CCDC15: variants seen among roughly 807,000 people sequenced by gnomAD.
The protein encoded by CCDC15 is coiled-coil domain containing 15.
CCDC15 carries 105 observed loss-of-function variants against 114.5 expected under a neutral mutation model. The ratio of observed to expected loss-of-function variants is 0.92; its 90% CI spans 0.78 to 1.08. The LOEUF is 1.08. Ranked by LOEUF, CCDC15 falls within the 50% of genes least tolerant of loss-of-function variation. The pLI, the probability that CCDC15 is intolerant of heterozygous loss-of-function variation, is 0.00. For synonymous variants in CCDC15, 334 were observed against 377.8 expected (o/e 0.88, Z 1.34); for missense variants, 1,105 against 1,093.6 (o/e 1.01, Z -0.15).
At position 124,993,175 on chromosome 11, in the gene CCDC15, C is replaced by T; in HGVS notation, c.2146C>T (p.His716Tyr). 6.3e-7 allele frequency: 1 copy of T among 1,597,668 alleles called. No individual in the cohort carries two copies. Among genetic ancestry groups the T allele is most frequent in the Non-Finnish European group, 8.6e-7 (1 of 1,167,680 alleles). ...DQDSPREQNKHIKLPSSFEKW... is the reference protein window; with the variant it reads ...DQDSPREQNKYIKLPSSFEKW... Reference sequence around the variant, plus strand: ...TATTTTGTTGTTCCTTTAGAACAAGCATATCAAACTACCCTCATCTTTTGA... The same window carrying T: ...TATTTTGTTGTTCCTTTAGAACAAGTATATCAAACTACCCTCATCTTTTGA... The change falls in exon 11 of 16, where the codon CAT becomes TAT. Residue 716 changes from histidine to tyrosine, a missense_variant. Coordinates refer to ENST00000344762, the MANE Select transcript of CCDC15 (RefSeq NM_025004.3).
Position 125,040,677 on chromosome 11 carries a change from C to T in CCDC15, c.2822C>T (p.Ala941Val). The T allele has an allele frequency of 6.2e-7, 1 of 1,612,236 alleles. No homozygotes were observed. Among genetic ancestry groups the T allele is most frequent in the Non-Finnish European group, 8.5e-7 (1 of 1,178,998 alleles). ...STLRVAIHNF[A>V]SAHRRTLKNL is the part of the protein sequence containing the mutation. ...CTTCGAGTCGCAATTCATAATTTTGCTTCTGCACACAGGCGGACTTTGAAA... is the reference window on the plus strand; with the variant it reads ...CTTCGAGTCGCAATTCATAATTTTGTTTCTGCACACAGGCGGACTTTGAAA... The change falls in exon 16 of 16, where the codon GCT becomes GTT. Residue 941 changes from alanine to valine, a missense_variant. By Grantham distance (64) the Ala-to-Val change is moderately conservative. Transcript: ENST00000344762.
At chr11:124,991,980 G>A (rs1209257392) in intron 9 of CCDC15, among the ~76,000 whole-genome samples, 3 of 152,282 alleles carry the variant, frequency 2.0e-5, no homozygotes, top group South Asian at 2.1e-4. Context: ...CACTGTCCCC[G>A]GCCAGAATAC....
chr11:124,981,324 C>CT (rs1413811288), intron 6 of CCDC15, among the ~76,000 whole-genome samples: 1 of 152,068 alleles, frequency 6.6e-6, no homozygotes, highest in Admixed American at 6.6e-5. Context: ...TCCTGAATAT[C>CT]TTTGTCAGTT....
chr11:125,006,314 T>C (rs1948551642), intron 13 of CCDC15, among the ~76,000 whole-genome samples: 1 of 152,210 alleles, frequency 6.6e-6, no homozygotes, highest in Non-Finnish European at 1.5e-5. Context: ...TAATGACATA[T>C]AATATGGAGC....
intron 13 of CCDC15, among the ~76,000 whole-genome samples, chr11:125,020,909 C>A (rs1256399886): frequency 6.6e-6 from 1 of 151,566 alleles, no homozygotes; most frequent in Non-Finnish European, 1.5e-5. Flanking sequence ...TGAATCTGAC[C>A]AAAGCTGTGG....
At position 124,987,647 on chromosome 11, in the gene CCDC15, C is replaced by T. The variant is rs747003339; in HGVS notation, c.1421C>T (p.Pro474Leu). 1 of 1,613,696 alleles carries T rather than the reference C, an allele frequency of 6.2e-7. No homozygotes were observed. The highest frequency in any genetic ancestry group is 1.7e-5 in the Admixed American group (1 of 59,996). The change falls in exon 8 of 16, where the codon CCT becomes CTT. Residue 474 changes from proline to leucine, a missense_variant. Pro to Leu is a moderately conservative substitution (Grantham distance 98). Coordinates refer to ENST00000344762, the MANE Select transcript of CCDC15 (RefSeq NM_025004.3). ...AAATATCAGGACCAGAATTTTCTAC[C>T]TAAGGACCAGAATTTTTTATCTAGA... ...LPKYQDQNFL[P>L]KDQNFLSRDQ... is the part of the protein sequence containing the mutation.
intron 13 of CCDC15, among the ~76,000 whole-genome samples, chr11:125,023,728 C>T (rs759799967): frequency 6.6e-6 from 1 of 151,928 alleles, no homozygotes; most frequent in South Asian, 2.1e-4. Context: ...TTTGGAAACT[C>T]GCACCCCAAA....
chr11:124,991,409 T>G, intron 8 of CCDC15, 52 bp from the exon 9 acceptor site: 1 of 1,261,476 alleles, frequency 7.9e-7, no homozygotes, highest in Non-Finnish European at 1.1e-6. Context: ...ATTATTGCCA[T>G]CATATTAGTC....
Position 124,996,686 on chromosome 11 carries a change from C to T in CCDC15, c.2214+3443C>T, listed in dbSNP as rs74496966. Among the ~76,000 whole-genome samples, 921 of 152,212 alleles carry T rather than the reference C, an allele frequency of 6.1e-3. 6 individuals carry two copies. The highest frequency in any genetic ancestry group is 0.019 in the African/African-American group (785 of 41,542). ...TCTTGTAAAACTGAGACCATATACC[C>T]GTTAAACAGTAATTTCTCAGTCTCT... On this transcript the variant is annotated intron_variant, in intron 11 of 15. Transcript: ENST00000344762.
intron 13 of CCDC15, among the ~76,000 whole-genome samples, chr11:125,010,380 G>GT (rs545300682): frequency 0.024 from 3,248 of 134,592 alleles, 102 homozygotes; most frequent in African/African-American, 0.072. Flanking sequence ...TTTGCCTGGT[G>GT]TTTTTTTTTT....
chr11:124,959,153 G>T lies in CCDC15; in HGVS notation c.216G>T (p.Gln72His). Reference protein sequence around the residue: ...AYLIEEELKEQLRKKQEALKH... With the variant: ...AYLIEEELKEHLRKKQEALKH... The stretch of plus-strand genomic sequence containing the variant: ...TAATTGAAGAAGAACTAAAGGAACA[G>T]CTAAGAAAAAAACAAGAAGCTTTGA... The change falls in exon 3 of 16, where the codon CAG becomes CAT. Residue 72 changes from glutamine (Q) to histidine (H), a missense_variant. By Grantham distance (24) the Gln-to-His change is conservative. Transcript: ENST00000344762. 1.3e-6 allele frequency: 2 copies of T among 1,586,432 alleles called. No homozygotes were observed. The highest frequency in any genetic ancestry group is 1.7e-6 in the Non-Finnish European group (2 of 1,167,574).
intron 6 of CCDC15, 51 bp from the exon 7 acceptor site, chr11:124,986,691 T>TGTGTGTGGG: frequency 8.2e-7 from 1 of 1,221,882 alleles, no homozygotes. Flanking sequence ...GTGTGTGTGT[T>TGTGTGTGGG]TGTGTGTGTG....
chr11:124,998,744 T>C (rs1591600484), intron 11 of CCDC15, among the ~76,000 whole-genome samples: 1 of 151,178 alleles, frequency 6.6e-6, no homozygotes, highest in Non-Finnish European at 1.5e-5. Context: ...CTACTTTTTT[T>C]TTTTTTTTTT....
chr11:125,039,068 A>T lies in CCDC15; in HGVS notation c.2733A>T (p.Arg911Ser). 6.3e-7 allele frequency: 1 copy of T among 1,586,198 alleles called. No homozygotes were observed. Among genetic ancestry groups the T allele is most frequent in the South Asian group, 1.1e-5 (1 of 87,306 alleles). ...ACTGTATTTTCTATAAAAACCACAG[A>T]GGTAAGTTTCTTGAAGGAATAGTCA... ...ANNCIFYKNH[R>S]AYTRALHSFI... The change falls in exon 15 of 16, where the codon AGA becomes AGT. Residue 911 changes from arginine to serine, a missense_variant and splice_region_variant. Coordinates refer to ENST00000344762, the MANE Select transcript of CCDC15 (RefSeq NM_025004.3).
chr11:125,039,126 G>T (rs1174032008), intron 15 of CCDC15, 57 bp downstream of exon 15: 3 of 1,463,230 alleles, frequency 2.1e-6, no homozygotes, highest in Non-Finnish European at 2.8e-6. Context: ...ATAAATAAGA[G>T]TAGTGGTAAT....
chr11:124,989,402 T>A (rs942280835), intron 8 of CCDC15, among the ~76,000 whole-genome samples: 1 of 152,202 alleles, frequency 6.6e-6, no homozygotes. Context: ...GAAAAGTAGA[T>A]TTAGTGCCAT....
chr11:124,986,606 G>T, intron 6 of CCDC15, 136 bp from the exon 7 acceptor site: 2 of 938,546 alleles, frequency 2.1e-6, no homozygotes, highest in Non-Finnish European at 3.0e-6. Flanking sequence ...TAATAGCAGT[G>T]ACCTGAAGCC....
chr11:124,976,473 C>T (rs1203582121), intron 5 of CCDC15, among the ~76,000 whole-genome samples: 1 of 152,008 alleles, frequency 6.6e-6, no homozygotes, highest in Non-Finnish European at 1.5e-5. Context: ...CTTGTGGCTC[C>T]TCAGAGTTTC....
At chr11:124,970,083 C>T (rs1200777520) in intron 4 of CCDC15, among the ~76,000 whole-genome samples, 1 of 152,170 alleles carries the variant, frequency 6.6e-6, no homozygotes, top group Non-Finnish European at 1.5e-5. Context: ...CTTGTTTCTA[C>T]ATGTATGCTT....
Sources: gnomAD v4.1 joint callset for allele counts (sites outside exome capture counted in the v4.1 genomes callset) on GRCh38, gnomAD v4.1.1 for gene constraint, MANE v1.5 for transcripts, NCBI Gene and HGNC (gene_info 2026-07-23, HGNC 2026-07-21) for gene names.